Variants in NSG1 observed in about 807,000 individuals in gnomAD.
NSG1 encodes neuronal vesicle trafficking-associated protein 1.
In NSG1, 9 loss-of-function variants were observed where a neutral mutation model predicts 19.3. The ratio of observed to expected loss-of-function variants is 0.47; its 90% confidence interval spans 0.28 to 0.81. The LOEUF (loss-of-function observed/expected upper bound fraction) is 0.81, where lower values mean the gene tolerates loss of function less well. NSG1 is among the 40% of genes least tolerant of loss of function. The pLI, the probability that NSG1 is intolerant of heterozygous loss-of-function variation, is 0.11. For synonymous variants in NSG1, 104 were observed against 107.0 expected (o/e 0.97, Z 0.17); for missense variants, 236 against 242.4 (o/e 0.97, Z 0.18).
chr4:4,408,045 C>G (rs1306446594), intron 3 of NSG1, among the ~76,000 whole-genome samples: 1 of 152,136 alleles, frequency 6.6e-6, no homozygotes, highest in Non-Finnish European at 1.5e-5. Flanking sequence ...TCCCCAGGAC[C>G]AGTGCCTGGG....
intron 4 of NSG1, 33 bp from the exon 5 acceptor site, chr4:4,417,202 G>A (rs373283209): frequency 2.6e-5 from 41 of 1,598,538 alleles, no homozygotes; most frequent in South Asian, 5.5e-5. Flanking sequence ...CTCTTGCACC[G>A]ACGCGTGCTC....
intron 3 of NSG1, among the ~76,000 whole-genome samples, chr4:4,393,104 T>G (rs1723082783): frequency 6.6e-6 from 1 of 152,142 alleles, no homozygotes; most frequent in South Asian, 2.1e-4. Context: ...TGGCCTTGAT[T>G]TCAAGGTCAT....
chr4:4,391,621 G>A (rs1577279706), intron 3 of NSG1, 30 bp downstream of exon 3: 1 of 1,470,494 alleles, frequency 6.8e-7, no homozygotes, highest in East Asian at 2.3e-5. Context: ...GTGAGATGCT[G>A]CTTTTGCCCC....
chr4:4,417,594 G>A lies in NSG1; in HGVS notation c.*159G>A. ...TGCTTTGCAAATAAAACTTGCTGCC[G>A]ACCACCCACGGGCATAAAATCAAGT... On this transcript the variant is annotated 3_prime_UTR_variant, in exon 5 of 5. Transcript: ENST00000621129. 1 of 696,374 alleles carries A rather than the reference G, an allele frequency of 1.4e-6. No homozygotes were observed. Among genetic ancestry groups the A allele is most frequent in the Non-Finnish European group, 2.4e-6 (1 of 419,784 alleles). The allele number at this position is 696,374 out of a possible 1,614,324, so 43.1% of individuals were successfully genotyped here.
At chr4:4,413,563 G>T (rs34332610) in intron 4 of NSG1, among the ~76,000 whole-genome samples, 6,338 of 151,138 alleles carry the variant, frequency 0.042, 163 homozygotes, top group Non-Finnish European at 0.046. Context: ...GTTTGTGATG[G>T]TAGAGGAGCA....
chr4:4,405,153 C>A (rs1251859536), intron 3 of NSG1, among the ~76,000 whole-genome samples: 1 of 152,180 alleles, frequency 6.6e-6, no homozygotes, highest in Non-Finnish European at 1.5e-5. Context: ...GAGACTCTGT[C>A]CTTGCCCCTC....
At chr4:4,417,191 CCT>C in intron 4 of NSG1, 42 bp from the exon 5 acceptor site, 1 of 1,559,004 alleles carries the variant, frequency 6.4e-7, no homozygotes, top group Non-Finnish European at 8.8e-7. Context: ...ACTGGCACCC[CCT>C]CTTGCACCGA....
At chr4:4,404,925 T>G (rs1723770769) in intron 3 of NSG1, among the ~76,000 whole-genome samples, 1 of 151,956 alleles carries the variant, frequency 6.6e-6, no homozygotes, top group Non-Finnish European at 1.5e-5. Context: ...CAGCCTGGCA[T>G]GGTGCGGAAG....
intron 4 of NSG1, 59 bp from the exon 5 acceptor site, chr4:4,417,176 G>A (rs1471293350): frequency 6.9e-7 from 1 of 1,458,998 alleles, no homozygotes; most frequent in East Asian, 2.3e-5. Flanking sequence ...GCCAACTGGA[G>A]ACACACTGGC....
In NSG1 at chr4:4,417,454, T is replaced by C. The variant is rs746788776; in HGVS notation, c.*19T>C. On this transcript the variant is annotated 3_prime_UTR_variant, in exon 5 of 5. Coordinates refer to ENST00000621129, the MANE Select transcript of NSG1 (RefSeq NM_014392.5). The stretch of plus-strand genomic sequence containing the variant: ...AGCTTAGCGGGATGGGCAAGTTCCT[T>C]ACAATGTGTCACTTGCAAATAACAA... 1.2e-6 allele frequency: 2 copies of C among 1,609,674 alleles called. No homozygotes were observed. Among genetic ancestry groups the C allele is most frequent in the South Asian group, 2.2e-5 (2 of 90,988 alleles).
intron 2 of NSG1, among the ~76,000 whole-genome samples, chr4:4,389,300 A>G (rs1722883929): frequency 6.6e-6 from 1 of 152,212 alleles, no homozygotes; most frequent in African/African-American, 2.4e-5. Flanking sequence ...TAGCCTAGGC[A>G]GCTCGGAAAG....
At chr4:4,414,368 T>C (rs1416181617) in intron 4 of NSG1, among the ~76,000 whole-genome samples, 4 of 151,876 alleles carry the variant, frequency 2.6e-5, no homozygotes, top group Non-Finnish European at 4.4e-5. Context: ...AGTCCCCTGA[T>C]AAGTTGTTCT....
intron 4 of NSG1, 47 bp downstream of exon 4, chr4:4,409,730 C>T (rs1462039816): frequency 2.1e-6 from 3 of 1,434,718 alleles, no homozygotes; most frequent in Non-Finnish European, 2.0e-6. Flanking sequence ...CTTTGCACCC[C>T]ATGTTCTCTC....
At chr4:4,415,214 T>A (rs1724456973) in intron 4 of NSG1, among the ~76,000 whole-genome samples, 1 of 152,260 alleles carries the variant, frequency 6.6e-6, no homozygotes, top group Admixed American at 6.5e-5. Flanking sequence ...CGGACCTTAG[T>A]GGCTACTCTT....
intron 3 of NSG1, among the ~76,000 whole-genome samples, chr4:4,395,735 C>T (rs1178000704): frequency 6.6e-6 from 1 of 152,116 alleles, no homozygotes; most frequent in Non-Finnish European, 1.5e-5. Context: ...GCTCCCTGGC[C>T]CAGCCATCAT....
chr4:4,407,914 G>A (rs1262134923), intron 3 of NSG1, among the ~76,000 whole-genome samples: 6 of 152,232 alleles, frequency 3.9e-5, no homozygotes, highest in African/African-American at 7.2e-5. Flanking sequence ...TGCAGGGGGT[G>A]CATAGGGGCC....
At chr4:4,399,747 A>G (rs1205886273) in intron 3 of NSG1, among the ~76,000 whole-genome samples, 8 of 152,158 alleles carry the variant, frequency 5.3e-5, no homozygotes, top group Non-Finnish European at 7.4e-5. Context: ...CAGTTTTTGT[A>G]CTGACCAGGG....
chr4:4,408,788 C>A (rs185198798), intron 3 of NSG1, among the ~76,000 whole-genome samples: 229 of 152,294 alleles, frequency 1.5e-3, no homozygotes, highest in African/African-American at 5.4e-3. Context: ...TACTCTCGTC[C>A]CTGCCAGGCT....
In NSG1 at chr4:4,387,763, G is replaced by GC. The variant is rs565067471; in HGVS notation, c.129+12dup. On this transcript the variant is annotated splice_donor_region_variant and intron_variant, in intron 2 of 4. Coordinates refer to ENST00000621129, the MANE Select transcript of NSG1 (RefSeq NM_014392.5). ...CAGTTCCCGCCCCCGGATAAGGTAA[G>GC]CCCCCCCACGCCCCTCCACGTTGCC... 3,044 of 1,593,218 alleles carry GC rather than the reference G, an allele frequency of 1.9e-3. 22 individuals are homozygous for GC. Among genetic ancestry groups the GC allele is most frequent in the East Asian group, 0.016 (712 of 44,576 alleles).
Sources: allele counts gnomAD v4.1 joint callset (sites outside exome capture counted in the v4.1 genomes callset), GRCh38; gene constraint gnomAD v4.1.1; transcripts MANE v1.5; gene names NCBI Gene and HGNC (gene_info 2026-07-23, HGNC 2026-07-21).